CMIP: variants seen among roughly 807,000 people sequenced by gnomAD.
The protein encoded by CMIP is C-Maf-inducing protein.
Under a neutral mutation model 97.3 loss-of-function variants are expected in CMIP, and 13 were observed. The ratio of observed to expected loss-of-function variants is 0.13; its 90% CI spans 0.09 to 0.21. CMIP has a LOEUF of 0.21. CMIP is among the 10% of genes least tolerant of loss of function. CMIP has a pLI of 1.00. For synonymous variants in CMIP, 538 were observed against 436.3 expected (o/e 1.23, Z -2.91); for missense variants, 847 against 1,024.9 (o/e 0.83, Z 2.37).
intron 10 of CMIP, among the ~76,000 whole-genome samples, chr16:81,686,807 A>G (rs1037552409): frequency 2.6e-5 from 4 of 152,102 alleles, no homozygotes; most frequent in African/African-American, 4.8e-5. Flanking sequence ...TCCCGTTTCT[A>G]TGTAAGGCAC....
chr16:81,641,796 G>A (rs559175557), intron 3 of CMIP, among the ~76,000 whole-genome samples: 4 of 152,326 alleles, frequency 2.6e-5, no homozygotes, highest in African/African-American at 9.6e-5. Flanking sequence ...GGGAAACCGA[G>A]GAGGCGAGGC....
rs370165877 is a variant in CMIP at position 81,660,928 on chromosome 16, C to G, written c.726C>G (p.Leu242=). 2.5e-6 allele frequency: 4 copies of G among 1,614,026 alleles called. No homozygotes were observed. Among genetic ancestry groups the G allele is most frequent in the Non-Finnish European group, 3.4e-6 (4 of 1,179,892 alleles). Residue 242 remains leucine, a synonymous_variant, in exon 6 of 21, where the codon CTC becomes CTG. Transcript: ENST00000537098. ...AAAACAACCACCCACCACCAGATCT[C>G]TGTGAATTCTTTTGCAAGGTACGGG... The part of the protein sequence containing the change: ...LLENNHPPPD[L]CEFFCKHCRE...
intron 1 of CMIP, among the ~76,000 whole-genome samples, chr16:81,532,341 C>CA (rs2090254325): frequency 6.6e-6 from 1 of 152,214 alleles, no homozygotes; most frequent in Non-Finnish European, 1.5e-5. Context: ...CACGCTGATG[C>CA]AGGAGGTATA....
intron 7 of CMIP, chr16:81,667,404 G>A (rs187124759): frequency 1.3e-5 from 2 of 152,330 alleles, no homozygotes; most frequent in African/African-American, 4.8e-5. Context: ...CAAAGGAGGC[G>A]AGAAGACACG....
chr16:81,603,275 G>A, intron 1 of CMIP: 1 of 398,042 alleles, frequency 2.5e-6, no homozygotes, highest in South Asian at 1.8e-5. Context: ...TAGAGACGGG[G>A]TTTCACCATG....
rs1004324083 is a variant in CMIP at position 81,628,147 on chromosome 16, C to T, written c.477+7221C>T. Among the ~76,000 whole-genome samples the T allele has an allele frequency of 7.2e-5, 11 of 152,234 alleles. No homozygotes were observed. The South Asian group carries it at 1.4e-3, about 20-fold the overall frequency. ...AAGGGGAAATCCTGAGGCTCTGGAC[C>T]GGGCCTCCAGTAGGGGCTGTCACCC... is the stretch of plus-strand genomic sequence containing the variant. On this transcript the variant is annotated intron_variant, in intron 3 of 20. Transcript: ENST00000537098.
At chr16:81,607,903 C>A (rs1464528545) in intron 2 of CMIP, among the ~76,000 whole-genome samples, 1 of 152,220 alleles carries the variant, frequency 6.6e-6, no homozygotes, top group Admixed American at 6.5e-5. Flanking sequence ...CTCCTGCACA[C>A]CTGCTGCAGT....
At chr16:81,459,074 G>A (rs199858187) in intron 1 of CMIP, among the ~76,000 whole-genome samples, 7 of 144,442 alleles carry the variant, frequency 4.8e-5, no homozygotes, top group South Asian at 2.2e-4. Context: ...CACCGTCACC[G>A]TCACCATCAC....
chr16:81,682,505 C>T (rs1223375849), intron 10 of CMIP, among the ~76,000 whole-genome samples: 1 of 151,752 alleles, frequency 6.6e-6, no homozygotes, highest in Admixed American at 6.6e-5. Context: ...GCGGAGGTTG[C>T]AGTGAGCTGA....
At chr16:81,481,753 T>TAAGGG (rs758289587) in intron 1 of CMIP, among the ~76,000 whole-genome samples, 1 of 152,122 alleles carries the variant, frequency 6.6e-6, no homozygotes, top group Non-Finnish European at 1.5e-5. Flanking sequence ...TCTGGAAGCC[T>TAAGGG]AAGGGAAGGG....
chr16:81,582,582 A>G (rs979849445), intron 1 of CMIP, among the ~76,000 whole-genome samples: 42 of 152,226 alleles, frequency 2.8e-4, no homozygotes, highest in African/African-American at 1.0e-3. Flanking sequence ...GCTTATTCAG[A>G]GACCACTTTC....
intron 1 of CMIP, among the ~76,000 whole-genome samples, chr16:81,556,372 A>G (rs1217195547): frequency 6.6e-6 from 1 of 151,930 alleles, no homozygotes; most frequent in African/African-American, 2.4e-5. Context: ...AAAAGTCCCT[A>G]TTTTTAATTC....
At chr16:81,682,035 T>C (rs1037943422) in intron 10 of CMIP, among the ~76,000 whole-genome samples, 1 of 151,690 alleles carries the variant, frequency 6.6e-6, no homozygotes, top group African/African-American at 2.4e-5. Context: ...AAATCCTGTT[T>C]CTACTAAAAA....
rs528810906 is a variant in CMIP, at chr16:81,499,547, C to T, written c.300+54006C>T. On this transcript the variant is annotated intron_variant, in intron 1 of 20. Transcript: ENST00000537098. The stretch of plus-strand genomic sequence containing the variant: ...TCCTCACCTTAGCATCCGCCTGTCC[C>T]GGCGCCCATGTAGCTTCCTTGTCAT... Among the ~76,000 whole-genome samples the T allele has an allele frequency of 2.6e-5, 4 of 152,356 alleles. No homozygotes were observed. The East Asian group carries it at 7.7e-4, about 29-fold the overall frequency.
intron 1 of CMIP, among the ~76,000 whole-genome samples, chr16:81,509,085 C>A (rs2089763130): frequency 6.6e-6 from 1 of 152,192 alleles, no homozygotes; most frequent in African/African-American, 2.4e-5. Context: ...AAATAAAGAT[C>A]TACTCTTCAG....
intron 1 of CMIP, among the ~76,000 whole-genome samples, chr16:81,455,602 T>C (rs1597445463): frequency 6.6e-6 from 1 of 152,266 alleles, no homozygotes; most frequent in Non-Finnish European, 1.5e-5. Context: ...ATTGCGTACA[T>C]GGTGTCTCCA....
intron 15 of CMIP, among the ~76,000 whole-genome samples, chr16:81,700,828 A>G (rs1162687797): frequency 6.6e-6 from 1 of 152,142 alleles, no homozygotes; most frequent in Non-Finnish European, 1.5e-5. Context: ...GGGCATGAAG[A>G]GCCTTCTGGG....
At chr16:81,474,680 C>T (rs565019247) in intron 1 of CMIP, among the ~76,000 whole-genome samples, 15 of 152,316 alleles carry the variant, frequency 9.8e-5, no homozygotes, top group South Asian at 8.3e-4. Flanking sequence ...AACCACTGTC[C>T]GCCTGCGGAG....
At chr16:81,666,670 T>TA (rs1396928080) in intron 7 of CMIP, 1 of 152,154 alleles carries the variant, frequency 6.6e-6, no homozygotes, top group Non-Finnish European at 1.5e-5. Context: ...GGGGATGCTT[T>TA]AACGCACCCA....
Sources: allele counts gnomAD v4.1 joint callset (sites outside exome capture counted in the v4.1 genomes callset), GRCh38; gene constraint gnomAD v4.1.1; transcripts MANE v1.5; gene names NCBI Gene and HGNC (gene_info 2026-07-23, HGNC 2026-07-21).